The following GREB1 variants were observed in gnomAD, a reference collection of about 807,000 sequenced individuals.
GREB1 encodes protein GREB1.
A neutral mutation model predicts 200.7 loss-of-function variants in GREB1; 106 were observed. The ratio of observed to expected loss-of-function variants is 0.53; its 90% confidence interval spans 0.45 to 0.62. GREB1 has a LOEUF of 0.62. Ranked by LOEUF, GREB1 falls within the 20% of genes least tolerant of loss-of-function variation. The probability of loss-of-function intolerance (pLI) is 0.00; values close to 1 mark genes in which losing one functional copy is unlikely to be tolerated. For synonymous variants in GREB1, 1,132 were observed against 1,092.4 expected, an observed-to-expected ratio of 1.04 and a Z score of -0.72; for missense variants, 2,243 against 2,556.8, an observed-to-expected ratio of 0.88 and a Z score of 2.65.
At position 11,493,321 on chromosome 2, in the gene GREB1, G is replaced by A. The variant is rs542741091; in HGVS notation, c.-159+10940G>A. The stretch of plus-strand genomic sequence containing the variant: ...TTCCACAGACAGGGTGTGGGGGAGG[G>A]TGAAACTATTCCACCTCAGATCATC... On this transcript the variant is annotated intron_variant, in intron 1 of 2. Coordinates refer to the GREB1 transcript ENST00000628795. The surrounding 1 kb of genome is among the most constrained non-coding windows in gnomAD (Gnocchi z 4.6). Among the ~76,000 whole-genome samples, 44 of 152,250 alleles carry A rather than the reference G, an allele frequency of 2.9e-4. 3 individuals carry two copies. The South Asian group carries it at 8.5e-3, about 29-fold the overall frequency.
At chr2:11,607,060 C>T (rs189371473) in intron 17 of GREB1, among the ~76,000 whole-genome samples, 2 of 150,506 alleles carry the variant, frequency 1.3e-5, no homozygotes, top group Admixed American at 6.6e-5. Context: ...GAATTACAGG[C>T]GTGAGCCACC....
chr2:11,634,323 C>G lies in GREB1; in HGVS notation c.5184C>G (p.Thr1728=), dbSNP rs1218273222. 1 of 1,613,870 alleles carries G rather than the reference C, an allele frequency of 6.2e-7. No homozygotes were observed. The highest frequency in any genetic ancestry group is 8.5e-7 in the Non-Finnish European group (1 of 1,179,914). ...HNFIILNVDL[T]QNVQYNQNRF... ...TCATCATCCTGAACGTGGACCTGAC[C>G]CAGAACGTGCAGTACAACCAGAACC... Residue 1728 remains threonine, a synonymous_variant, in exon 29 of 33, where the codon ACC becomes ACG. Transcript: ENST00000381486.
chr2:11,587,693 TAACACACACACACACACACACA>T (rs1413020329), intron 9 of GREB1: 10 of 980,320 alleles, frequency 1.0e-5, no homozygotes, highest in African/African-American at 9.5e-5. Context: ...GAGTACAAGA[TAACACACACACACACACACACA>T]CACACACACA....
At chr2:11,579,937 A>C (rs1305515487) in intron 6 of GREB1, among the ~76,000 whole-genome samples, 1 of 152,178 alleles carries the variant, frequency 6.6e-6, no homozygotes, top group Admixed American at 6.5e-5. Context: ...AGACATTCCC[A>C]AGACTGAGTA....
chr2:11,631,862 C>A (rs1004172561), intron 26 of GREB1, 47 bp from the exon 27 acceptor site: 1 of 1,374,100 alleles, frequency 7.3e-7, no homozygotes, highest in Non-Finnish European at 1.0e-6. Context: ...GGAATAATTG[C>A]AGCCACATTT....
chr2:11,526,739 G>T (rs1312756733), intron 1 of GREB1, among the ~76,000 whole-genome samples: 1 of 151,882 alleles, frequency 6.6e-6, no homozygotes, highest in East Asian at 1.9e-4. Context: ...TATTTTTTTA[G>T]TAGAAATGGA....
At chr2:11,559,849 T>A (rs1676813535) in intron 2 of GREB1, among the ~76,000 whole-genome samples, 1 of 152,102 alleles carries the variant, frequency 6.6e-6, no homozygotes, top group Non-Finnish European at 1.5e-5. Context: ...CTCTGGGTAA[T>A]CTCTTCACAC....
rs61626935 is a variant in GREB1, at chr2:11,593,202, CCTTT to C, written c.1696+79_1696+82del. On this transcript the variant is annotated intron_variant, in intron 11 of 32. Transcript: ENST00000381486. ...GGTCCCCTCCTTTGGTGGTTCTCTC[CCTTT>C]CTGTCTAGGGTGGCCCGGGTTTGCA... The C allele has an allele frequency of 2.8e-3, 2,962 of 1,064,536 alleles. 9 individuals are homozygous for C. Among genetic ancestry groups the C allele is most frequent in the Non-Finnish European group, 3.3e-3 (2,495 of 753,328 alleles). 65.9% of individuals were successfully genotyped at this position (1,064,536 alleles called of 1,614,324 possible).
chr2:11,601,603 C>T (rs10182367), intron 16 of GREB1, among the ~76,000 whole-genome samples: 9,950 of 152,212 alleles, frequency 0.065, 1,108 homozygotes, highest in African/African-American at 0.23. Context: ...TTTTGGAGTG[C>T]CTCGCAATCC....
chr2:11,547,235 G>A (rs1675371869), intron 1 of GREB1, among the ~76,000 whole-genome samples: 1 of 152,216 alleles, frequency 6.6e-6, no homozygotes, highest in South Asian at 2.1e-4. Context: ...GAGCCACCGT[G>A]CTCGGCTGTG....
chr2:11,495,822 G>A (rs1258955474), intron 1 of GREB1, among the ~76,000 whole-genome samples: 2 of 143,422 alleles, frequency 1.4e-5, no homozygotes, highest in South Asian at 4.4e-4. Flanking sequence ...TTGAGTGAAC[G>A]GGATTTTCGG....
intron 4 of GREB1, among the ~76,000 whole-genome samples, chr2:11,568,885 A>G (rs1356146897): frequency 2.0e-5 from 3 of 152,240 alleles, no homozygotes; most frequent in African/African-American, 7.2e-5. Flanking sequence ...AAATAACTTT[A>G]TGCTCTCAGC....
chr2:11,567,116 T>G (rs1183362418), intron 4 of GREB1, among the ~76,000 whole-genome samples: 1 of 152,186 alleles, frequency 6.6e-6, no homozygotes, highest in Admixed American at 6.5e-5. Context: ...TCTGTTTGTT[T>G]GCTTGTTTGT....
At chr2:11,621,264 T>C (rs1463185083) in intron 23 of GREB1, among the ~76,000 whole-genome samples, 1 of 152,178 alleles carries the variant, frequency 6.6e-6, no homozygotes, top group Non-Finnish European at 1.5e-5. Flanking sequence ...ACCTAGATAC[T>C]TTGCACAAGT....
chr2:11,622,793 G>T (rs550559112), intron 23 of GREB1, among the ~76,000 whole-genome samples: 6 of 152,324 alleles, frequency 3.9e-5, no homozygotes, highest in African/African-American at 1.2e-4. Context: ...GATGGTGCTG[G>T]GGTGAAGCAC....
chr2:11,482,937 C>A (rs1672541137), intron 1 of GREB1, among the ~76,000 whole-genome samples: 1 of 151,176 alleles, frequency 6.6e-6, no homozygotes, highest in South Asian at 2.1e-4. Flanking sequence ...AGCGGGGCCG[C>A]GGCGGCCGGA....
At chr2:11,533,302 C>A (rs1167895045), upstream of GREB1, among the ~76,000 whole-genome samples, 3 of 152,136 alleles carry the variant, frequency 2.0e-5, no homozygotes, top group Non-Finnish European at 4.4e-5. Flanking sequence ...TTGAAAAAAA[C>A]AGATAAATGG....
intron 1 of GREB1, among the ~76,000 whole-genome samples, chr2:11,511,309 C>G (rs909648489): frequency 1.3e-5 from 2 of 152,010 alleles, no homozygotes; most frequent in Non-Finnish European, 2.9e-5. Context: ...GAGCTGGGGC[C>G]CAGAGAAGTT....
chr2:11,568,494 C>T (rs1677921070), intron 4 of GREB1, among the ~76,000 whole-genome samples: 1 of 152,256 alleles, frequency 6.6e-6, no homozygotes, highest in Non-Finnish European at 1.5e-5. Flanking sequence ...CAGAACCATT[C>T]CAGAAAACCC....
Sources: allele counts gnomAD v4.1 joint callset (sites outside exome capture counted in the v4.1 genomes callset), GRCh38; gene constraint gnomAD v4.1.1; non-coding constraint Gnocchi (gnomAD v3.1); transcripts MANE v1.5; gene names NCBI Gene and HGNC (gene_info 2026-07-23, HGNC 2026-07-21).